Variants in HSP90AA1 observed in about 807,000 individuals in gnomAD.
The protein encoded by HSP90AA1 is heat shock protein 90 alpha family class A member 1, also known as heat shock protein HSP 90-alpha.
A neutral mutation model predicts 73.3 loss-of-function variants in HSP90AA1; 18 were observed. The ratio of observed to expected loss-of-function variants is 0.25; its 90% CI spans 0.17 to 0.36. HSP90AA1 has a LOEUF of 0.36. Ranked by LOEUF, HSP90AA1 falls within the 10% of genes least tolerant of loss-of-function variation. HSP90AA1 has a pLI of 1.00. For synonymous variants in HSP90AA1, 477 were observed against 296.9 expected (o/e 1.61, Z -6.24); for missense variants, 704 against 874.2 (o/e 0.81, Z 2.45).
chr14:102,136,591 GAAAT>G (rs1425158818), intron 1 of HSP90AA1, among the ~76,000 whole-genome samples: 1 of 82,330 alleles, frequency 1.2e-5, no homozygotes, highest in African/African-American at 3.8e-5. Flanking sequence ...AAAAAAAAAA[GAAAT>G]ACCCGGTTTG....
At position 102,083,289 on chromosome 14, in the gene HSP90AA1, G is replaced by T. The variant is rs765346190; in HGVS notation, c.1500C>A (p.Asp500Glu). 6.2e-7 allele frequency: 1 copy of T among 1,614,012 alleles called. No homozygotes were observed. Among genetic ancestry groups the T allele is most frequent in the Non-Finnish European group, 8.5e-7 (1 of 1,180,016 alleles). The change falls in exon 9 of 11, where the codon GAC (aspartate) becomes GAA (glutamate). Residue 500 changes from aspartate to glutamate, a missense_variant. Physicochemically the swap from Asp to Glu is conservative, Grantham distance 45 (BLOSUM62 2). Transcript: ENST00000216281. The part of the protein sequence containing the change: ...HIYYITGETK[D>E]QVANSAFVER... The stretch of plus-strand genomic sequence containing the variant: ...CCACAAAGGCTGAGTTAGCTACCTG[G>T]TCCTTGGTCTCACCTGAGGTATTAC...
At position 102,081,545 on chromosome 14, in the gene HSP90AA1, G is replaced by GTA. The variant is rs2049098741; in HGVS notation, c.*165_*166dup. 1 of 633,512 alleles carries GTA rather than the reference G, an allele frequency of 1.6e-6. No individual in the cohort carries two copies. The highest frequency in any genetic ancestry group is 2.8e-6 in the Non-Finnish European group (1 of 354,752). The allele number at this position is 633,512 out of a possible 1,614,324, so 39.2% of individuals were successfully genotyped here. On this transcript the variant is annotated 3_prime_UTR_variant, in exon 11 of 11. Transcript: ENST00000216281. ...TACTAGCTCTGCTTTAGTGCCTAAG[G>GTA]TATCACAGCATCACTTAGTAGACAG...
At chr14:102,097,359 T>A (rs78357666) in intron 2 of HSP90AA1, among the ~76,000 whole-genome samples, 6,283 of 147,458 alleles carry the variant, frequency 0.043, 167 homozygotes, top group Middle Eastern at 0.067. Context: ...GCAAGCTGAG[T>A]CTTAAGGTAG....
chr14:102,139,226 C>G, intron 1 of HSP90AA1: 1 of 1,613,784 alleles, frequency 6.2e-7, no homozygotes, highest in Non-Finnish European at 8.5e-7. Context: ...CATAGTGAAG[C>G]GTAAATCTTG....
intron 1 of HSP90AA1, among the ~76,000 whole-genome samples, chr14:102,119,571 TTCCGCC>T (rs2049747848): frequency 6.6e-6 from 1 of 152,114 alleles, no homozygotes; most frequent in Non-Finnish European, 1.5e-5. Context: ...TCACTGCAAC[TTCCGCC>T]TCCCAGGTTC....
At chr14:102,138,955 T>C (rs1221718914) in intron 1 of HSP90AA1, among the ~76,000 whole-genome samples, 1 of 151,932 alleles carries the variant, frequency 6.6e-6, no homozygotes, top group Non-Finnish European at 1.5e-5. Flanking sequence ...CTGAGGCTTC[T>C]GGAAAAAAAA....
chr14:102,139,683 A>G, exon 1 of HSP90AA1: 1 of 666,374 alleles, frequency 1.5e-6, no homozygotes, highest in East Asian at 2.7e-5. Context: ...CGGAGGCCAC[A>G]CCCGGGGGAG....
chr14:102,093,720 C>A (rs1424305105), intron 2 of HSP90AA1, among the ~76,000 whole-genome samples: 1 of 152,092 alleles, frequency 6.6e-6, no homozygotes, highest in Non-Finnish European at 1.5e-5. Context: ...TGCCTTTACT[C>A]CCAGCATTTT....
intron 1 of HSP90AA1, among the ~76,000 whole-genome samples, chr14:102,122,212 CAT>C (rs745401245): frequency 1.4e-4 from 22 of 151,768 alleles, no homozygotes; most frequent in Non-Finnish European, 2.9e-4. Flanking sequence ...CCATCTCTAT[CAT>C]ATGTCCATTT....
chr14:102,112,096 GA>G (rs1014632371), intron 1 of HSP90AA1, among the ~76,000 whole-genome samples: 4 of 152,108 alleles, frequency 2.6e-5, no homozygotes, highest in Non-Finnish European at 5.9e-5. Context: ...AATTTTACTT[GA>G]AGATTTTGTG....
In HSP90AA1 at chr14:102,103,426, T is replaced by C. The variant is rs372351279; in HGVS notation, c.156-1341A>G. Among the ~76,000 whole-genome samples the C allele has an allele frequency of 3.6e-3, 553 of 152,010 alleles. 1 individual carries two copies. Among genetic ancestry groups the C allele is most frequent in the African/African-American group, 0.012 (512 of 41,474 alleles). On this transcript the variant is annotated intron_variant, in intron 1 of 11. Coordinates refer to the HSP90AA1 transcript ENST00000334701. ...TGTAGAGGTCAGGTGCATTGGTTCATGCCATAATCCCAGCATTTTGGAAGG... is the reference window on the plus strand; with the variant it reads ...TGTAGAGGTCAGGTGCATTGGTTCACGCCATAATCCCAGCATTTTGGAAGG...
rs757476486 is a variant in HSP90AA1, at chr14:102,081,702, C to T, written c.*10G>A. 1 of 1,182,696 alleles carries T rather than the reference C, an allele frequency of 8.5e-7. No individual in the cohort carries two copies. The highest frequency in any genetic ancestry group is 1.2e-5 in the South Asian group (1 of 82,610). 73.3% of individuals were successfully genotyped at this position (1,182,696 alleles called of 1,614,324 possible). On this transcript the variant is annotated 3_prime_UTR_variant, in exon 11 of 11. Transcript: ENST00000216281. ...AGTACTGAACAGGTAAGTCATCCCT[C>T]AGCCAGAGATTAGTCTACTTCTTCC...
At position 102,081,061 on chromosome 14, in the gene HSP90AA1, C is replaced by T. The variant is rs149779281; in HGVS notation, c.*651G>A. ...TGTCACACAATATCTTTTAACTCAT[C>T]TGTATTTGTTACAACTTTAAGCAGA... On this transcript the variant is annotated 3_prime_UTR_variant, in exon 11 of 11. Coordinates refer to ENST00000216281, the MANE Select transcript of HSP90AA1 (RefSeq NM_005348.4). 4.4e-6 allele frequency: 1 copy of T among 228,106 alleles called. No homozygotes were observed. Among genetic ancestry groups the T allele is most frequent in the African/African-American group, 2.2e-5 (1 of 45,138 alleles). The allele number at this position is 228,106 out of a possible 1,614,324, so 14.1% of individuals were successfully genotyped here.
intron 1 of HSP90AA1, among the ~76,000 whole-genome samples, chr14:102,134,828 G>A (rs910691000): frequency 2.0e-5 from 3 of 152,174 alleles, no homozygotes; most frequent in African/African-American, 7.2e-5. Context: ...AAGTGAACCC[G>A]AGCGGGTTGC....
At chr14:102,104,994 C>T (rs1482632193) in intron 1 of HSP90AA1, among the ~76,000 whole-genome samples, 2 of 144,670 alleles carry the variant, frequency 1.4e-5, no homozygotes, top group South Asian at 2.2e-4. Context: ...GTCAGGAAAT[C>T]GAGACCATAC....
chr14:102,084,015 C>A, intron 6 of HSP90AA1, 32 bp from the exon 7 acceptor site: 2 of 1,525,902 alleles, frequency 1.3e-6, no homozygotes, highest in South Asian at 2.2e-5. Context: ...TGCACTGAGT[C>A]ATTCCAAGGA....
At chr14:102,132,134 C>T (rs568600050) in intron 1 of HSP90AA1, among the ~76,000 whole-genome samples, 15 of 152,146 alleles carry the variant, frequency 9.9e-5, no homozygotes, top group East Asian at 1.9e-4. Flanking sequence ...TTTGGGAGGC[C>T]GAGACGGGCA....
chr14:102,130,657 G>A (rs1472838997), intron 1 of HSP90AA1, among the ~76,000 whole-genome samples: 1 of 152,102 alleles, frequency 6.6e-6, no homozygotes, highest in East Asian at 1.9e-4. Flanking sequence ...GCTCAGGCTG[G>A]TGTGCAGTGG....
chr14:102,109,787 G>A (rs904138840), intron 1 of HSP90AA1, among the ~76,000 whole-genome samples: 7 of 152,190 alleles, frequency 4.6e-5, no homozygotes, highest in South Asian at 2.1e-4. Flanking sequence ...AAGAAGACAG[G>A]AAAATGTAGG....
Sources: allele counts gnomAD v4.1 joint callset (sites outside exome capture counted in the v4.1 genomes callset), GRCh38; gene constraint gnomAD v4.1.1; transcripts MANE v1.5; gene names NCBI Gene and HGNC (gene_info 2026-07-23, HGNC 2026-07-21).